CDH13: variants seen among roughly 807,000 people sequenced by gnomAD.
CDH13 encodes the protein cadherin-13.
Under a neutral mutation model 63.8 loss-of-function variants are expected in CDH13, and 24 were observed. The observed-to-expected ratio is 0.38, with a 90% CI of 0.27 to 0.53. The LOEUF is 0.53. Among genes scored for constraint, CDH13 ranks in the 20% least tolerant of loss-of-function variants. CDH13 has a pLI of 0.85. For missense variants in CDH13, 1,049 were observed against 903.1 expected (o/e 1.16, Z -2.07); for synonymous variants, 503 against 355.3 (o/e 1.42, Z -4.67).
intron 2 of CDH13, among the ~76,000 whole-genome samples, chr16:82,988,025 G>C (rs930049207): frequency 6.6e-6 from 1 of 152,186 alleles, no homozygotes; most frequent in Non-Finnish European, 1.5e-5. Context: ...CCCTGCCAGA[G>C]CATGATACTG....
At chr16:82,655,690 C>T (rs1311397307) in intron 1 of CDH13, among the ~76,000 whole-genome samples, 3 of 152,188 alleles carry the variant, frequency 2.0e-5, no homozygotes, top group African/African-American at 4.8e-5. Flanking sequence ...ACCTCCTCCA[C>T]AGGCTATTTT....
chr16:83,136,085 T>C (rs2036270351), intron 4 of CDH13, among the ~76,000 whole-genome samples: 1 of 151,208 alleles, frequency 6.6e-6, no homozygotes, highest in South Asian at 2.1e-4. Context: ...TCTGATCGGG[T>C]GATGGGTGCA....
intron 1 of CDH13, among the ~76,000 whole-genome samples, chr16:82,754,519 C>T (rs891849631): frequency 6.6e-6 from 1 of 152,112 alleles, no homozygotes; most frequent in African/African-American, 2.4e-5. Flanking sequence ...TCTAGGATTC[C>T]TGAGAACTGC....
chr16:82,678,645 A>C (rs1914206278), intron 1 of CDH13, among the ~76,000 whole-genome samples: 1 of 152,196 alleles, frequency 6.6e-6, no homozygotes, highest in Non-Finnish European at 1.5e-5. Context: ...TCTTTCCTTG[A>C]AGCTAAGGGT....
chr16:83,056,846 G>A (rs374401214), intron 3 of CDH13, among the ~76,000 whole-genome samples: 86 of 152,236 alleles, frequency 5.6e-4, no homozygotes, highest in African/African-American at 1.8e-3. Context: ...CCCTACACAC[G>A]CTCTCTTGCC....
chr16:83,248,121 G>A (rs937652078), intron 5 of CDH13, among the ~76,000 whole-genome samples: 17 of 152,076 alleles, frequency 1.1e-4, no homozygotes, highest in Non-Finnish European at 2.4e-4. Flanking sequence ...CAGGGGATGT[G>A]AACACCACGG....
Position 83,222,843 on chromosome 16 carries a change from C to G in CDH13, c.636+5346C>G, listed in dbSNP as rs77190960. Among the ~76,000 whole-genome samples the G allele has an allele frequency of 9.0e-4, 137 of 152,304 alleles. 1 individual carries two copies. In the East Asian group the frequency reaches 0.018, roughly 20 times the overall value. ...GAGGTGGTGCTACAGGAAATACCCA[C>G]ATATGAAACTATTCTAGGGCAAGGT... is the stretch of plus-strand genomic sequence containing the variant. On this transcript the variant is annotated intron_variant, in intron 5 of 13. Coordinates refer to ENST00000567109, the MANE Select transcript of CDH13 (RefSeq NM_001257.5).
At position 83,559,616 on chromosome 16, in the gene CDH13, A is replaced by G. The variant is rs576083837; in HGVS notation, c.961-42838A>G. ...AGAAAAGAAGGAAGGAAGGAAGGAA[A>G]GAAAGAGAAAGAAAAAGAGAGAGAG... On this transcript the variant is annotated intron_variant, in intron 7 of 13. Coordinates refer to ENST00000567109, the MANE Select transcript of CDH13 (RefSeq NM_001257.5). 9.1e-4 allele frequency among the ~76,000 whole-genome samples: 139 copies of G among 151,956 alleles called. 2 individuals carry two copies. The South Asian group carries it at 0.02, about 22-fold the overall frequency.
chr16:82,831,114 C>T (rs1401392624), intron 1 of CDH13, among the ~76,000 whole-genome samples: 1 of 152,086 alleles, frequency 6.6e-6, no homozygotes, highest in Non-Finnish European at 1.5e-5. Context: ...GTCAGAAATG[C>T]AGCACCTAGG....
At chr16:82,868,798 C>T (rs144929159) in intron 2 of CDH13, among the ~76,000 whole-genome samples, 12 of 152,262 alleles carry the variant, frequency 7.9e-5, no homozygotes, top group South Asian at 2.1e-4. Context: ...TTTAGAAATT[C>T]CCAATTTCTG....
intron 6 of CDH13, among the ~76,000 whole-genome samples, chr16:83,405,334 G>T (rs1327050293): frequency 6.6e-6 from 1 of 152,182 alleles, no homozygotes; most frequent in African/African-American, 2.4e-5. Flanking sequence ...AAAAGGGACT[G>T]TGAAGGTGTG....
intron 5 of CDH13, among the ~76,000 whole-genome samples, chr16:83,325,919 C>A (rs571476085): frequency 2.0e-5 from 3 of 152,116 alleles, no homozygotes; most frequent in Admixed American, 1.3e-4. Context: ...CCACAATGTC[C>A]CTTCTTCTCA....
chr16:83,754,150 C>T (rs567896309), intron 11 of CDH13, among the ~76,000 whole-genome samples: 1 of 152,196 alleles, frequency 6.6e-6, no homozygotes, highest in Admixed American at 6.5e-5. Flanking sequence ...CTCCTTGGGT[C>T]TCACAGAAAA....
chr16:83,768,702 T>C (rs1914563944), intron 11 of CDH13, among the ~76,000 whole-genome samples: 1 of 152,130 alleles, frequency 6.6e-6, no homozygotes, highest in Non-Finnish European at 1.5e-5. Context: ...TGTCTCCCCT[T>C]TTTAGACCAT....
At chr16:83,558,029 T>C (rs1357358505) in intron 7 of CDH13, among the ~76,000 whole-genome samples, 1 of 152,140 alleles carries the variant, frequency 6.6e-6, no homozygotes, top group Non-Finnish European at 1.5e-5. Flanking sequence ...TCAATGATTG[T>C]ACAGCTTTAT....
intron 6 of CDH13, among the ~76,000 whole-genome samples, chr16:83,409,561 C>G (rs764526484): frequency 6.6e-6 from 1 of 152,248 alleles, no homozygotes; most frequent in Non-Finnish European, 1.5e-5. Context: ...TCAATACTGG[C>G]TGGAGTTTCA....
intron 4 of CDH13, among the ~76,000 whole-genome samples, chr16:83,157,838 G>C (rs796722905): frequency 7.9e-5 from 12 of 151,850 alleles, no homozygotes; most frequent in African/African-American, 2.9e-4. Flanking sequence ...GCTTGAACCT[G>C]GGAGGCAGAG....
intron 7 of CDH13, among the ~76,000 whole-genome samples, chr16:83,504,601 C>T (rs1284234129): frequency 5.9e-5 from 9 of 152,250 alleles, no homozygotes; most frequent in African/African-American, 1.9e-4. Context: ...GGACCCACTC[C>T]GGGTGCTGTG....
intron 5 of CDH13, among the ~76,000 whole-genome samples, chr16:83,317,195 C>G (rs554101998): frequency 6.6e-6 from 1 of 152,232 alleles, no homozygotes; most frequent in African/African-American, 2.4e-5. Flanking sequence ...ACTGAGAAAC[C>G]CAAAAGCCCA....
Sources: gnomAD v4.1 joint callset for allele counts (sites outside exome capture counted in the v4.1 genomes callset) on GRCh38, gnomAD v4.1.1 for gene constraint, MANE v1.5 for transcripts, NCBI Gene and HGNC (gene_info 2026-07-23, HGNC 2026-07-21) for gene names.